GALNTL6: variants seen among roughly 807,000 people sequenced by gnomAD.
GALNTL6 encodes polypeptide N-acetylgalactosaminyltransferase-like 6.
A neutral mutation model predicts 73.7 loss-of-function variants in GALNTL6; 46 were observed. That is an observed-to-expected ratio of 0.62 (90% confidence interval 0.49 to 0.80). The LOEUF (loss-of-function observed/expected upper bound fraction) is 0.80, where lower values mean the gene tolerates loss of function less well. Among genes scored for constraint, GALNTL6 ranks in the 30% least tolerant of loss-of-function variants. The probability of loss-of-function intolerance (pLI) is 0.00; values close to 1 mark genes in which losing one functional copy is unlikely to be tolerated. For missense variants in GALNTL6, 604 were observed against 755.0 expected (o/e 0.80, Z 2.34); for synonymous variants, 259 against 263.7 (o/e 0.98, Z 0.17).
intron 10 of GALNTL6, among the ~76,000 whole-genome samples, chr4:172,989,194 G>A (rs1321498802): frequency 6.6e-6 from 1 of 152,224 alleles, no homozygotes; most frequent in Non-Finnish European, 1.5e-5. Context: ...ATATCTTGCA[G>A]AGCCACAAGA....
chr4:172,363,599 C>T (rs1742453100), intron 5 of GALNTL6, among the ~76,000 whole-genome samples: 1 of 152,072 alleles, frequency 6.6e-6, no homozygotes, highest in East Asian at 1.9e-4. Context: ...TCAATCAATA[C>T]CATTGCAATT....
At chr4:173,037,779 G>C (rs1377339641) in intron 12 of GALNTL6, among the ~76,000 whole-genome samples, 2 of 151,038 alleles carry the variant, frequency 1.3e-5, no homozygotes, top group African/African-American at 2.4e-5. Flanking sequence ...GTCTTGCTCT[G>C]TCTCCCAGGC....
At chr4:172,458,320 CAA>C (rs1053061525) in intron 5 of GALNTL6, among the ~76,000 whole-genome samples, 3 of 151,034 alleles carry the variant, frequency 2.0e-5, no homozygotes, top group Non-Finnish European at 3.0e-5. Flanking sequence ...ACTAGAGAAA[CAA>C]GAGCAAACAA....
chr4:171,859,488 C>T (rs1735775354), intron 2 of GALNTL6, among the ~76,000 whole-genome samples: 1 of 152,006 alleles, frequency 6.6e-6, no homozygotes, highest in Non-Finnish European at 1.5e-5. Flanking sequence ...CAAGATTACC[C>T]TTAGTCTTGA....
intron 10 of GALNTL6, among the ~76,000 whole-genome samples, chr4:172,995,103 G>A (rs149491084): frequency 6.6e-6 from 1 of 152,190 alleles, no homozygotes; most frequent in East Asian, 1.9e-4. Context: ...TTTCATGATT[G>A]TACTAGAACC....
intron 8 of GALNTL6, among the ~76,000 whole-genome samples, chr4:172,888,725 G>A (rs962262415): frequency 2.6e-5 from 4 of 152,100 alleles, no homozygotes; most frequent in African/African-American, 9.7e-5. Flanking sequence ...GCTTAGGATT[G>A]CCTTGGCTAT....
chr4:172,069,609 A>ATGTATGACACATATATGT lies in GALNTL6; in HGVS notation c.139-160046_139-160045insGTATGACACATATATGTT, dbSNP rs1188510469. On this transcript the variant is annotated intron_variant, in intron 2 of 12. Coordinates refer to ENST00000506823, the MANE Select transcript of GALNTL6 (RefSeq NM_001034845.3). ...TATATATATAACACATATATGTTAT[A>ATGTATGACACATATATGT]TATATATAACATATATATATATCCT... Among the ~76,000 whole-genome samples, 8 of 95,052 alleles carry ATGTATGACACATATATGT rather than the reference A, an allele frequency of 8.4e-5. 4 individuals carry two copies. The highest frequency in any genetic ancestry group is 1.3e-4 in the Non-Finnish European group (6 of 45,168). The allele number at this position is 95,052 out of a possible 152,430, so 62.4% of individuals were successfully genotyped here.
At chr4:172,352,903 A>C (rs75651673) in intron 5 of GALNTL6, among the ~76,000 whole-genome samples, 2,185 of 152,082 alleles carry the variant, frequency 0.014, 52 homozygotes, top group African/African-American at 0.049. Flanking sequence ...TAGAAGGAAA[A>C]ACAGACTTGA....
At chr4:171,923,315 T>A (rs1737850753) in intron 2 of GALNTL6, among the ~76,000 whole-genome samples, 1 of 152,140 alleles carries the variant, frequency 6.6e-6, no homozygotes, top group Admixed American at 6.5e-5. Context: ...ATGTGCCTGT[T>A]ATGGTGTTGC....
chr4:172,436,391 C>T (rs1731635537), intron 5 of GALNTL6, among the ~76,000 whole-genome samples: 1 of 152,022 alleles, frequency 6.6e-6, no homozygotes, highest in South Asian at 2.1e-4. Context: ...TCCTCTTGAT[C>T]ATTCAGCAAG....
chr4:172,719,446 T>A (rs4470604), intron 5 of GALNTL6, among the ~76,000 whole-genome samples: 65,811 of 151,954 alleles, frequency 0.43, 17,326 homozygotes, highest in East Asian at 0.68. Context: ...ATTGAAGCAA[T>A]GTATATAATG....
intron 5 of GALNTL6, among the ~76,000 whole-genome samples, chr4:172,390,324 G>T (rs955020714): frequency 3.9e-4 from 59 of 152,060 alleles, no homozygotes; most frequent in Non-Finnish European, 1.8e-4. Flanking sequence ...TTAATTAACA[G>T]AACAAAAACC....
intron 4 of GALNTL6, among the ~76,000 whole-genome samples, chr4:172,333,302 G>A (rs1317106499): frequency 2.6e-5 from 4 of 152,184 alleles, no homozygotes; most frequent in Non-Finnish European, 5.9e-5. Flanking sequence ...CTACTCGGGA[G>A]GCTGAGGCAG....
At chr4:171,893,640 C>G (rs1736822522) in intron 2 of GALNTL6, among the ~76,000 whole-genome samples, 1 of 151,736 alleles carries the variant, frequency 6.6e-6, no homozygotes, top group African/African-American at 2.4e-5. Flanking sequence ...AGTTGGGATC[C>G]CCTTAATTGA....
intron 2 of GALNTL6, among the ~76,000 whole-genome samples, chr4:171,854,195 C>A (rs908818138): frequency 2.0e-5 from 3 of 152,186 alleles, no homozygotes; most frequent in Admixed American, 2.0e-4. Context: ...GTGTTCATGT[C>A]CTTCCCAGAT....
chr4:171,874,628 TG>T (rs1299620101), intron 2 of GALNTL6, among the ~76,000 whole-genome samples: 1 of 152,194 alleles, frequency 6.6e-6, no homozygotes, highest in Non-Finnish European at 1.5e-5. Context: ...TGGAGACACC[TG>T]GTCCAGCCAT....
intron 5 of GALNTL6, among the ~76,000 whole-genome samples, chr4:172,438,280 A>C (rs1016081320): frequency 6.6e-6 from 1 of 152,084 alleles, no homozygotes; most frequent in African/African-American, 2.4e-5. Flanking sequence ...TCAGGCAATC[A>C]TATGGTCATG....
intron 5 of GALNTL6, among the ~76,000 whole-genome samples, chr4:172,623,157 G>T (rs189246512): frequency 6.6e-6 from 1 of 152,178 alleles, no homozygotes; most frequent in Non-Finnish European, 1.5e-5. Context: ...AAAAATCAAT[G>T]CACGAAACTG....
At chr4:172,848,242 AGATCTG>A (rs1449439870) in intron 7 of GALNTL6, among the ~76,000 whole-genome samples, 1 of 152,190 alleles carries the variant, frequency 6.6e-6, no homozygotes, top group Non-Finnish European at 1.5e-5. Flanking sequence ...GAAGCTTTTC[AGATCTG>A]AGCTTAAATG....
Sources: allele counts gnomAD v4.1 joint callset (sites outside exome capture counted in the v4.1 genomes callset), GRCh38; gene constraint gnomAD v4.1.1; transcripts MANE v1.5; gene names NCBI Gene and HGNC (gene_info 2026-07-23, HGNC 2026-07-21).